Variants in SCOC observed in about 807,000 individuals in gnomAD.
SCOC encodes short coiled-coil protein.
In SCOC, 7 loss-of-function variants were observed where a neutral mutation model predicts 9.9. The ratio of observed to expected loss-of-function variants is 0.71; its 90% CI spans 0.40 to 1.33. The LOEUF is 1.33. SCOC is among the 40% of genes most tolerant of loss of function. The probability of loss-of-function intolerance (pLI) is 0.01; values close to 1 mark genes in which losing one functional copy is unlikely to be tolerated. For missense variants in SCOC, 66 were observed against 89.7 expected (o/e 0.74, Z 1.07); for synonymous variants, 19 against 28.2 (o/e 0.67, Z 1.03).
chr4:140,262,585 G>A (rs1304196137), intron 1 of SCOC, among the ~76,000 whole-genome samples: 2 of 152,152 alleles, frequency 1.3e-5, no homozygotes, highest in Non-Finnish European at 2.9e-5. Context: ...TCCTTGAATA[G>A]GAGCAGAGGA....
At chr4:140,362,301 T>TCTTC in intron 2 of SCOC, among the ~76,000 whole-genome samples, 11 of 29,406 alleles carry the variant, frequency 3.7e-4, no homozygotes, top group African/African-American at 9.4e-4. Flanking sequence ...TTCTTCTTCT[T>TCTTC]TTTTTTTTTT....
At chr4:140,352,917 C>A (rs1217902532) in intron 2 of SCOC, among the ~76,000 whole-genome samples, 3 of 152,150 alleles carry the variant, frequency 2.0e-5, no homozygotes, top group Non-Finnish European at 2.9e-5. Context: ...CAGAGGAGAT[C>A]CTGAAAATCA....
intron 1 of SCOC, among the ~76,000 whole-genome samples, chr4:140,328,142 G>C (rs1732704287): frequency 6.6e-6 from 1 of 152,152 alleles, no homozygotes; most frequent in East Asian, 1.9e-4. Flanking sequence ...TTAGCACACA[G>C]GACATGCTCT....
In SCOC at chr4:140,353,680, G is replaced by A. The variant is rs572157514; in HGVS notation, c.70+9972G>A. Among the ~76,000 whole-genome samples, 4 of 152,296 alleles carry A rather than the reference G, an allele frequency of 2.6e-5. No individual in the cohort carries two copies. In the East Asian group the frequency reaches 7.7e-4, roughly 29 times the overall value. ...CCCAAAGTGCTGCGATTACAGGCGT[G>A]AGCCACCATGCCGGCCTAGTATTCA... On this transcript the variant is annotated intron_variant, in intron 2 of 4. Coordinates refer to the SCOC transcript ENST00000338517.
intron 2 of SCOC, among the ~76,000 whole-genome samples, chr4:140,345,069 G>C (rs577372168): frequency 1.3e-5 from 2 of 152,264 alleles, no homozygotes; most frequent in East Asian, 3.9e-4. Flanking sequence ...CAAGAGGGCA[G>C]GAAATTTAAG....
chr4:140,276,321 TAG>T (rs919212648), intron 1 of SCOC, among the ~76,000 whole-genome samples: 8 of 151,800 alleles, frequency 5.3e-5, no homozygotes, highest in Non-Finnish European at 1.0e-4. Flanking sequence ...TATTTTTTAG[TAG>T]AGACAGGGTT....
Position 140,269,576 on chromosome 4 carries a change from T to A in SCOC, c.-19+12166T>A, listed in dbSNP as rs574416349. ...TTGCATGGCTTCCATCAGTGCCTCA[T>A]GAAACGGAAGATTGACTAGCCAAGA... On this transcript the variant is annotated intron_variant, in intron 1 of 4. Transcript: ENST00000394205. Among the ~76,000 whole-genome samples the A allele has an allele frequency of 2.0e-5, 3 of 152,136 alleles. No individual in the cohort carries two copies. The South Asian group carries it at 6.2e-4, about 32-fold the overall frequency.
intron 1 of SCOC, among the ~76,000 whole-genome samples, chr4:140,258,150 C>T (rs1011946854): frequency 2.6e-5 from 4 of 152,234 alleles, no homozygotes; most frequent in African/African-American, 9.6e-5. Flanking sequence ...CTCCGCCAAG[C>T]ACTTGAGCTC....
At chr4:140,290,414 C>A (rs1731437538) in intron 1 of SCOC, among the ~76,000 whole-genome samples, 1 of 152,200 alleles carries the variant, frequency 6.6e-6, no homozygotes, top group Non-Finnish European at 1.5e-5. Context: ...GGAGGGTGGG[C>A]TCCCTGTTCA....
At chr4:140,295,772 A>G (rs1440076882) in intron 1 of SCOC, among the ~76,000 whole-genome samples, 1 of 152,016 alleles carries the variant, frequency 6.6e-6, no homozygotes, top group East Asian at 1.9e-4. Context: ...TACTAAAAAT[A>G]CAAAAAAAAT....
At chr4:140,300,005 A>G (rs1731767245) in intron 1 of SCOC, among the ~76,000 whole-genome samples, 1 of 152,180 alleles carries the variant, frequency 6.6e-6, no homozygotes. Context: ...TTATAGGCCC[A>G]GCTTTGAGGT....
At chr4:140,337,903 A>T (rs953598784) in intron 1 of SCOC, among the ~76,000 whole-genome samples, 6 of 152,210 alleles carry the variant, frequency 3.9e-5, no homozygotes, top group African/African-American at 1.4e-4. Flanking sequence ...TTCTGAAACT[A>T]TTCCAATCAA....
At chr4:140,339,805 G>A (rs1429956476), upstream of SCOC, among the ~76,000 whole-genome samples, 1 of 152,196 alleles carries the variant, frequency 6.6e-6, no homozygotes, top group Non-Finnish European at 1.5e-5. Flanking sequence ...GGAACGACAG[G>A]TGCTGGAGAG....
chr4:140,284,343 T>G (rs1468159296), intron 1 of SCOC: 1 of 152,168 alleles, frequency 6.6e-6, no homozygotes, highest in Non-Finnish European at 1.5e-5. Flanking sequence ...ATTTCGGGGC[T>G]ATGAAAGAAT....
chr4:140,313,141 A>T (rs192552414), intron 1 of SCOC, among the ~76,000 whole-genome samples: 1 of 152,338 alleles, frequency 6.6e-6, no homozygotes, highest in East Asian at 1.9e-4. Context: ...GGGAATCCTG[A>T]TGTTATTCAA....
intron 2 of SCOC, among the ~76,000 whole-genome samples, chr4:140,362,377 C>G (rs1727605339): frequency 7.3e-6 from 1 of 136,442 alleles, no homozygotes; most frequent in South Asian, 2.4e-4. Context: ...CTCACTGCAA[C>G]CTCCACCTCC....
At chr4:140,351,007 T>C (rs866632090) in intron 2 of SCOC, among the ~76,000 whole-genome samples, 1 of 150,984 alleles carries the variant, frequency 6.6e-6, no homozygotes, top group East Asian at 2.0e-4. Context: ...CTGGCCAACA[T>C]AGAGAAACCC....
intron 1 of SCOC, among the ~76,000 whole-genome samples, chr4:140,260,397 T>C (rs558785209): frequency 3.6e-4 from 55 of 152,342 alleles, no homozygotes; most frequent in Non-Finnish European, 2.5e-4. Flanking sequence ...GTTGCACGTG[T>C]TGAAATGATG....
At chr4:140,380,844 C>T (rs924474079) in intron 3 of SCOC, 118 bp from the exon 4 acceptor site, 11 of 765,920 alleles carry the variant, frequency 1.4e-5, no homozygotes, top group African/African-American at 3.7e-5. Context: ...CTCTAAAATC[C>T]GAATTCTTAA....
Sources: gnomAD v4.1 joint callset for allele counts (sites outside exome capture counted in the v4.1 genomes callset) on GRCh38, gnomAD v4.1.1 for gene constraint, MANE v1.5 for transcripts, NCBI Gene and HGNC (gene_info 2026-07-23, HGNC 2026-07-21) for gene names.